SAMD12: variants seen among roughly 807,000 people sequenced by gnomAD.
The protein encoded by SAMD12 is sterile alpha motif domain-containing protein 12.
SAMD12 carries 9 observed loss-of-function variants against 15.0 expected under a neutral mutation model. The ratio of observed to expected loss-of-function variants is 0.60; its 90% CI spans 0.36 to 1.05. SAMD12 has a LOEUF of 1.05. Ranked by LOEUF, SAMD12 falls within the 50% of genes least tolerant of loss-of-function variation. The pLI, the probability that SAMD12 is intolerant of heterozygous loss-of-function variation, is 0.01. For synonymous variants in SAMD12, 86 were observed against 90.1 expected, an observed-to-expected ratio of 0.96 and a Z score of 0.25; for missense variants, 230 against 234.2, an observed-to-expected ratio of 0.98 and a Z score of 0.12.
chr8:118,243,948 C>T (rs2630693), intron 4 of SAMD12, among the ~76,000 whole-genome samples: 3 of 152,112 alleles, frequency 2.0e-5, no homozygotes, highest in Non-Finnish European at 2.9e-5. Flanking sequence ...AACTTCTCTT[C>T]CCTGGCACAC....
chr8:118,379,004 T>C lies in SAMD12; in HGVS notation c.*413A>G. On this transcript the variant is annotated 3_prime_UTR_variant, in exon 4 of 4. Coordinates refer to ENST00000314727, the MANE Select transcript of SAMD12 (RefSeq NM_207506.3). ...AGCTAAATGGGGTTCTTACAATCTCTAAAGTGTGTGTGTATAATACATTCA... is the reference window on the plus strand; with the variant it reads ...AGCTAAATGGGGTTCTTACAATCTCCAAAGTGTGTGTGTATAATACATTCA... 1 of 984,562 alleles carries C rather than the reference T, an allele frequency of 1.0e-6. No homozygotes were observed. The highest frequency in any genetic ancestry group is 1.2e-6 in the Non-Finnish European group (1 of 824,994). The allele number at this position is 984,562 out of a possible 1,614,324, so 61.0% of individuals were successfully genotyped here.
chr8:118,538,993 A>G (rs1033333386), intron 2 of SAMD12, among the ~76,000 whole-genome samples: 4 of 152,228 alleles, frequency 2.6e-5, no homozygotes, highest in Non-Finnish European at 4.4e-5. Context: ...AGAGGTAGCA[A>G]ATTACCTAAC....
intron 2 of SAMD12, among the ~76,000 whole-genome samples, chr8:118,550,417 C>G (rs924741710): frequency 1.3e-5 from 2 of 152,160 alleles, no homozygotes; most frequent in African/African-American, 4.8e-5. Context: ...AATTTCATAT[C>G]CAGCCAAATT....
chr8:118,534,019 T>C (rs1825764032), intron 2 of SAMD12, among the ~76,000 whole-genome samples: 1 of 152,208 alleles, frequency 6.6e-6, no homozygotes. Context: ...TGTTAGTTGA[T>C]TCAGTTTCTT....
intron 4 of SAMD12, among the ~76,000 whole-genome samples, chr8:118,344,303 T>C (rs1817518134): frequency 6.6e-6 from 1 of 152,212 alleles, no homozygotes; most frequent in South Asian, 2.1e-4. Flanking sequence ...GAGGTCACAG[T>C]TCCAGGGAAA....
At chr8:118,578,897 G>A (rs185938349) in intron 2 of SAMD12, among the ~76,000 whole-genome samples, 26 of 152,280 alleles carry the variant, frequency 1.7e-4, no homozygotes, top group Non-Finnish European at 2.5e-4. Flanking sequence ...GGTGTTCACT[G>A]TAGATGATTT....
chr8:118,421,916 C>A (rs960127783), intron 3 of SAMD12, among the ~76,000 whole-genome samples: 2 of 152,086 alleles, frequency 1.3e-5, no homozygotes, highest in Non-Finnish European at 2.9e-5. Context: ...TATTCTGGGG[C>A]TTAGTGCAGA....
chr8:118,322,212 C>T (rs1287452805), intron 4 of SAMD12, among the ~76,000 whole-genome samples: 1 of 152,212 alleles, frequency 6.6e-6, no homozygotes, highest in Non-Finnish European at 1.5e-5. Flanking sequence ...CTGAAATAGG[C>T]CTCCCACAAT....
downstream of SAMD12, among the ~76,000 whole-genome samples, chr8:118,189,174 C>A (rs943069854): frequency 6.6e-6 from 1 of 152,094 alleles, no homozygotes; most frequent in Admixed American, 6.6e-5. Flanking sequence ...AAAGAGTTCA[C>A]CAGTCATTGC....
intron 4 of SAMD12, among the ~76,000 whole-genome samples, chr8:118,319,835 T>C (rs544406948): frequency 2.0e-5 from 3 of 152,148 alleles, no homozygotes; most frequent in African/African-American, 7.2e-5. Context: ...AAGTTTAAAT[T>C]TGGTGTCTGA....
chr8:118,276,504 A>G (rs1813478610), intron 4 of SAMD12, among the ~76,000 whole-genome samples: 1 of 152,156 alleles, frequency 6.6e-6, no homozygotes, highest in African/African-American at 2.4e-5. Context: ...CATAAACAAC[A>G]TTTGGCTGGA....
intron 2 of SAMD12, among the ~76,000 whole-genome samples, chr8:118,494,876 C>T (rs1220524962): frequency 6.6e-6 from 1 of 152,208 alleles, no homozygotes; most frequent in Non-Finnish European, 1.5e-5. Context: ...TGAATGAATG[C>T]CTTCCATCTA....
intron 4 of SAMD12, among the ~76,000 whole-genome samples, chr8:118,328,944 A>G (rs1816685835): frequency 6.6e-6 from 1 of 152,198 alleles, no homozygotes; most frequent in Admixed American, 6.5e-5. Context: ...AGGCATAAGA[A>G]AAAGCTTCTC....
At chr8:118,412,993 C>T (rs1400427690) in intron 3 of SAMD12, among the ~76,000 whole-genome samples, 1 of 152,118 alleles carries the variant, frequency 6.6e-6, no homozygotes, top group Non-Finnish European at 1.5e-5. Context: ...GGATTCTCTT[C>T]TCTGGCACCT....
At chr8:118,540,106 C>T (rs28409634) in intron 2 of SAMD12, among the ~76,000 whole-genome samples, 4,529 of 152,218 alleles carry the variant, frequency 0.03, 224 homozygotes, top group African/African-American at 0.1. Context: ...GGCCCAGAAA[C>T]ACATTAATCC....
At chr8:118,203,590 AT>A (rs1190291493) in intron 4 of SAMD12, among the ~76,000 whole-genome samples, 4 of 151,518 alleles carry the variant, frequency 2.6e-5, no homozygotes, top group Non-Finnish European at 2.9e-5. Context: ...TTTTAATTCT[AT>A]TTTTTTATTA....
chr8:118,379,806 A>T (rs1819581589), intron 3 of SAMD12, 106 bp from the exon 4 acceptor site: 1 of 1,379,658 alleles, frequency 7.2e-7, no homozygotes, highest in Non-Finnish European at 9.8e-7. Flanking sequence ...TTTCTACCTA[A>T]ACACAGACAT....
At position 118,269,880 on chromosome 8, in the gene SAMD12, T is replaced by C. The variant is rs72675859; in HGVS notation, c.434-72148A>G. ...TGTACAGATCTGGATCCAAGACTCATCTCCACCCAATGTGCGCAACCCTGG... is the reference window on the plus strand; with the variant it reads ...TGTACAGATCTGGATCCAAGACTCACCTCCACCCAATGTGCGCAACCCTGG... On this transcript the variant is annotated intron_variant, in intron 4 of 4. Transcript: ENST00000409003. 2.4e-3 allele frequency among the ~76,000 whole-genome samples: 366 copies of C among 152,272 alleles called. 1 individual carries two copies. The highest frequency in any genetic ancestry group is 4.3e-3 in the Non-Finnish European group (292 of 68,014).
At chr8:118,316,798 C>T (rs768037098) in intron 4 of SAMD12, among the ~76,000 whole-genome samples, 141 of 149,256 alleles carry the variant, frequency 9.4e-4, no homozygotes, top group Non-Finnish European at 1.8e-3. Context: ...TCCACCATGC[C>T]TGGCTAATTA....
Sources: allele counts gnomAD v4.1 joint callset (sites outside exome capture counted in the v4.1 genomes callset), GRCh38; gene constraint gnomAD v4.1.1; transcripts MANE v1.5; gene names NCBI Gene and HGNC (gene_info 2026-07-23, HGNC 2026-07-21).